KCNH8: variants seen among roughly 807,000 people sequenced by gnomAD.
The protein encoded by KCNH8 is voltage-gated delayed rectifier potassium channel KCNH8.
In KCNH8, 70 loss-of-function variants were observed where a neutral mutation model predicts 103.6. The ratio of observed to expected loss-of-function variants is 0.68; its 90% CI spans 0.56 to 0.82. The LOEUF is 0.82. Ranked by LOEUF, KCNH8 falls within the 40% of genes least tolerant of loss-of-function variation. The pLI, the probability that KCNH8 is intolerant of heterozygous loss-of-function variation, is 0.00. For synonymous variants in KCNH8, 498 were observed against 489.4 expected, an observed-to-expected ratio of 1.02 and a Z score of -0.23; for missense variants, 1,217 against 1,329.9, an observed-to-expected ratio of 0.92 and a Z score of 1.32.
At chr3:19,469,710 C>T (rs1451892107) in intron 11 of KCNH8, among the ~76,000 whole-genome samples, 1 of 152,046 alleles carries the variant, frequency 6.6e-6, no homozygotes, top group South Asian at 2.1e-4. Flanking sequence ...TTAGCATCTC[C>T]CGAGCCTAGT....
intron 2 of KCNH8, among the ~76,000 whole-genome samples, chr3:19,256,936 A>T (rs1300421576): frequency 6.6e-6 from 1 of 152,100 alleles, no homozygotes; most frequent in Non-Finnish European, 1.5e-5. Flanking sequence ...TTATATAAAT[A>T]TCTGTCTGCA....
At chr3:19,206,951 G>C (rs376102884) in intron 1 of KCNH8, among the ~76,000 whole-genome samples, 3 of 151,996 alleles carry the variant, frequency 2.0e-5, no homozygotes, top group East Asian at 1.9e-4. Flanking sequence ...AGGAAATCAC[G>C]GGTTTGGTTT....
chr3:19,188,122 A>G (rs376462771), intron 1 of KCNH8, among the ~76,000 whole-genome samples: 6 of 151,996 alleles, frequency 3.9e-5, no homozygotes, highest in African/African-American at 1.4e-4. Flanking sequence ...ATTTGTTTGC[A>G]TATTGTCTAT....
In KCNH8 at chr3:19,389,230, G is replaced by A. The variant is rs551467650; in HGVS notation, c.812-1251G>A. On this transcript the variant is annotated intron_variant, in intron 5 of 15. Coordinates refer to ENST00000328405, the MANE Select transcript of KCNH8 (RefSeq NM_144633.3). ...CAAAAGTCCAGGGATGGCTTAGTTG[G>A]ATCCTCCGATCAGGAATTCAAAAGG... is the stretch of plus-strand genomic sequence containing the variant. 2.6e-3 allele frequency among the ~76,000 whole-genome samples: 395 copies of A among 152,164 alleles called. 5 individuals carry two copies. The highest frequency in any genetic ancestry group is 9.0e-3 in the African/African-American group (374 of 41,548).
At chr3:19,156,319 T>C (rs6786997) in intron 1 of KCNH8, among the ~76,000 whole-genome samples, 1 of 152,208 alleles carries the variant, frequency 6.6e-6, no homozygotes, top group Admixed American at 6.5e-5. Flanking sequence ...TATATCATAT[T>C]AGCCTGTGAT....
chr3:19,400,015 CG>C (rs1371649064), intron 7 of KCNH8, among the ~76,000 whole-genome samples: 1 of 151,574 alleles, frequency 6.6e-6, no homozygotes, highest in Non-Finnish European at 1.5e-5. Flanking sequence ...AGATCCTGTG[CG>C]GGAGTCCTAA....
chr3:19,452,065 T>G (rs2067456878), intron 10 of KCNH8, among the ~76,000 whole-genome samples: 1 of 152,158 alleles, frequency 6.6e-6, no homozygotes, highest in South Asian at 2.1e-4. Flanking sequence ...AAAATCTTAT[T>G]TACAATTTTA....
At chr3:19,504,193 A>G (rs1159055070) in intron 11 of KCNH8, among the ~76,000 whole-genome samples, 1 of 152,208 alleles carries the variant, frequency 6.6e-6, no homozygotes, top group Admixed American at 6.5e-5. Flanking sequence ...AAGTCAACTC[A>G]AGATGGATTA....
At chr3:19,356,849 G>A (rs1375658220) in intron 5 of KCNH8, among the ~76,000 whole-genome samples, 2 of 151,514 alleles carry the variant, frequency 1.3e-5, no homozygotes, top group Non-Finnish European at 2.9e-5. Context: ...CTTTATTTAT[G>A]GCAATGAGGC....
At chr3:19,435,662 TTCTC>T (rs2067188642) in intron 7 of KCNH8, among the ~76,000 whole-genome samples, 1 of 152,188 alleles carries the variant, frequency 6.6e-6, no homozygotes, top group African/African-American at 2.4e-5. Flanking sequence ...TTTCTACCCT[TTCTC>T]TCCACACACA....
chr3:19,169,494 C>T (rs1297554571), intron 1 of KCNH8, among the ~76,000 whole-genome samples: 1 of 152,150 alleles, frequency 6.6e-6, no homozygotes, highest in Non-Finnish European at 1.5e-5. Context: ...GATCTGCCCG[C>T]CTTGGCCTCC....
chr3:19,529,694 C>A (rs1003889273), intron 15 of KCNH8, among the ~76,000 whole-genome samples: 1 of 152,154 alleles, frequency 6.6e-6, no homozygotes, highest in African/African-American at 2.4e-5. Context: ...TTTACTATCA[C>A]CACAGTCTCT....
intron 5 of KCNH8, among the ~76,000 whole-genome samples, chr3:19,363,264 AAAC>A (rs2065969636): frequency 1.3e-5 from 2 of 152,170 alleles, no homozygotes; most frequent in South Asian, 4.1e-4. Flanking sequence ...GAATGATGTC[AAAC>A]AACATTAGAA....
intron 15 of KCNH8, among the ~76,000 whole-genome samples, chr3:19,525,987 T>C (rs930457361): frequency 1.3e-5 from 2 of 151,968 alleles, no homozygotes; most frequent in African/African-American, 2.4e-5. Context: ...ATTATGCCAA[T>C]CGTCTTTTTT....
chr3:19,416,039 A>G (rs1450834533), intron 7 of KCNH8, among the ~76,000 whole-genome samples: 2 of 152,050 alleles, frequency 1.3e-5, no homozygotes, highest in East Asian at 1.9e-4. Flanking sequence ...CTTCTTTCCT[A>G]CGTAATCTAT....
chr3:19,262,123 A>T (rs190622151), intron 2 of KCNH8, among the ~76,000 whole-genome samples: 1 of 151,416 alleles, frequency 6.6e-6, no homozygotes, highest in East Asian at 2.0e-4. Flanking sequence ...GAATTTTAGG[A>T]TTATTTTCTG....
chr3:19,255,554 G>C (rs369718891), intron 2 of KCNH8, among the ~76,000 whole-genome samples: 2 of 152,074 alleles, frequency 1.3e-5, no homozygotes, highest in East Asian at 3.9e-4. Flanking sequence ...GTTTTCAAGG[G>C]GAAATGCTTC....
intron 3 of KCNH8, among the ~76,000 whole-genome samples, chr3:19,305,794 A>G (rs1213116528): frequency 1.3e-5 from 2 of 152,110 alleles, no homozygotes; most frequent in East Asian, 3.9e-4. Flanking sequence ...ACAATATTGT[A>G]AACACTGAAT....
At chr3:19,430,410 G>T (rs1182350292) in intron 7 of KCNH8, among the ~76,000 whole-genome samples, 25 of 150,124 alleles carry the variant, frequency 1.7e-4, no homozygotes, top group Admixed American at 1.7e-3. Flanking sequence ...CTCCAGCTTT[G>T]TTTTTTTTTG....
Sources: gnomAD v4.1 joint callset for allele counts (sites outside exome capture counted in the v4.1 genomes callset) on GRCh38, gnomAD v4.1.1 for gene constraint, MANE v1.5 for transcripts, NCBI Gene and HGNC (gene_info 2026-07-23, HGNC 2026-07-21) for gene names.